The following TUBA3D variants were observed in gnomAD, a reference collection of about 807,000 sequenced individuals.
TUBA3D encodes tubulin alpha 3d.
In TUBA3D, 24 loss-of-function variants were observed where a neutral mutation model predicts 36.1. The ratio of observed to expected loss-of-function variants is 0.66; its 90% CI spans 0.48 to 0.93. TUBA3D has a LOEUF of 0.93. Ranked by LOEUF, TUBA3D falls within the 40% of genes least tolerant of loss-of-function variation. The pLI is 0.00. For synonymous variants in TUBA3D, 185 were observed against 247.2 expected (o/e 0.75, Z 2.36); for missense variants, 356 against 614.5 (o/e 0.58, Z 4.45).
rs2622027 is a variant in TUBA3D at position 131,476,208 on chromosome 2, G to A, written c.3+6G>A. 3.9e-5 allele frequency: 63 copies of A among 1,613,920 alleles called. No homozygotes were observed. The highest frequency in any genetic ancestry group is 2.5e-4 in the South Asian group (23 of 91,074). On this transcript the variant is annotated splice_donor_region_variant and intron_variant, in intron 1 of 4. Coordinates refer to ENST00000321253, the MANE Select transcript of TUBA3D (RefSeq NM_080386.4). Reference sequence around the variant, plus strand: ...AAGCAGCGGAGTTCGCCATGGTAAGGCCCGGGTCACTCCCGCCCCGCAGAT... The same window carrying A: ...AAGCAGCGGAGTTCGCCATGGTAAGACCCGGGTCACTCCCGCCCCGCAGAT...
intron 1 of TUBA3D, among the ~76,000 whole-genome samples, chr2:131,476,666 G>C (rs1356822588): frequency 6.6e-6 from 1 of 152,168 alleles, no homozygotes; most frequent in Non-Finnish European, 1.5e-5. Context: ...AGGCGCGGCG[G>C]CTCACGCCTG....
At position 131,480,475 on chromosome 2, in the gene TUBA3D, C is replaced by T. The variant is rs990896644; in HGVS notation, c.782C>T (p.Pro261Leu). 3.8e-6 allele frequency: 6 copies of T among 1,588,282 alleles called. 1 individual carries two copies. Among genetic ancestry groups the T allele is most frequent in the Admixed American group, 3.4e-5 (2 of 59,444 alleles). Residue 261 changes from proline to leucine, a missense_variant, in exon 4 of 5, where the codon CCG becomes CTG. Physicochemically the swap from Pro to Leu is moderately conservative, Grantham distance 98. Transcript: ENST00000321253. ...DLTEFQTNLV[P>L]YPRIHFPLAT... ...ACGGAATTCCAGACCAACCTAGTGC[C>T]GTACCCCCGCATCCACTTCCCCCTG... is the stretch of plus-strand genomic sequence containing the variant.
In TUBA3D at chr2:131,480,305, C is replaced by T. The variant is rs560756950; in HGVS notation, c.612C>T (p.Val204=). 17 of 1,613,342 alleles carry T rather than the reference C, an allele frequency of 1.1e-5. No individual in the cohort carries two copies. The highest frequency in any genetic ancestry group is 7.7e-5 in the South Asian group (7 of 91,062). ...TLEHSDCAFM[V]DNEAIYDICR... ...AACATTCTGACTGTGCCTTCATGGT[C>T]GACAATGAAGCCATCTATGACATAT... The change falls in exon 4 of 5, where the codon GTC becomes GTT. Residue 204 remains valine (V), a synonymous_variant. Coordinates refer to ENST00000321253, the MANE Select transcript of TUBA3D (RefSeq NM_080386.4).
At chr2:131,477,196 C>T (rs1160927318) in intron 1 of TUBA3D, among the ~76,000 whole-genome samples, 1 of 151,636 alleles carries the variant, frequency 6.6e-6, no homozygotes, top group African/African-American at 2.4e-5. Flanking sequence ...TGCCACCACA[C>T]CTGGCTAATT....
rs151147307 is a variant in TUBA3D at position 131,481,883 on chromosome 2, G to T, written c.1057-669G>T. ...ACCTGGCCTGATGTTGTCATTTATA[G>T]AACAAGTTTGCTGATCCCTGCTCTA... On this transcript the variant is annotated intron_variant, in intron 4 of 4. Transcript: ENST00000321253. 3.2e-3 allele frequency among the ~76,000 whole-genome samples: 495 copies of T among 152,328 alleles called. 2 individuals are homozygous for T. Among genetic ancestry groups the T allele is most frequent in the African/African-American group, 0.012 (481 of 41,578 alleles).
chr2:131,476,326 G>T, intron 1 of TUBA3D, 124 bp downstream of exon 1: 6 of 1,531,684 alleles, frequency 3.9e-6, no homozygotes, highest in Non-Finnish European at 5.3e-6. Flanking sequence ...GCAGGGTCTA[G>T]TGCGGGACAG....
chr2:131,480,967 G>A (rs907667726), intron 4 of TUBA3D, among the ~76,000 whole-genome samples: 3 of 151,648 alleles, frequency 2.0e-5, no homozygotes, highest in African/African-American at 7.3e-5. Flanking sequence ...GCAGTGGTGC[G>A]ATCTCAGCTA....
chr2:131,476,623 T>G (rs541733283), intron 1 of TUBA3D, among the ~76,000 whole-genome samples: 1 of 152,212 alleles, frequency 6.6e-6, no homozygotes, highest in Non-Finnish European at 1.5e-5. Context: ...TGCTGCAACA[T>G]TGCCTTGTTC....
intron 2 of TUBA3D, 65 bp from the exon 3 acceptor site, chr2:131,479,243 G>A (rs1400246944): frequency 2.5e-6 from 4 of 1,578,482 alleles, no homozygotes; most frequent in Admixed American, 1.7e-5. Context: ...GAACACTCCT[G>A]GAATGTGTCC....
At chr2:131,478,498 A>G in intron 2 of TUBA3D, 112 bp downstream of exon 2, 3 of 1,360,870 alleles carry the variant, frequency 2.2e-6, no homozygotes, top group Non-Finnish European at 3.0e-6. Context: ...ATAGACAGGC[A>G]TATGCCCATG....
intron 1 of TUBA3D, among the ~76,000 whole-genome samples, chr2:131,476,688 C>T (rs1372255894): frequency 6.6e-6 from 1 of 152,098 alleles, no homozygotes; most frequent in Non-Finnish European, 1.5e-5. Flanking sequence ...AATCCCAGCC[C>T]TTGGGGAGGT....
chr2:131,482,908 G>A lies in TUBA3D; in HGVS notation c.*60G>A, dbSNP rs1678911370. ...CGGGATGGCTGCTTCCAAGTTGTTT[G>A]CAATTAAAGGTTCTGTATAAAACCA... is the stretch of plus-strand genomic sequence containing the variant. On this transcript the variant is annotated 3_prime_UTR_variant, in exon 5 of 5. Transcript: ENST00000321253. The A allele has an allele frequency of 3.2e-6, 5 of 1,572,490 alleles. No homozygotes were observed. In the South Asian group the frequency reaches 6.0e-5, roughly 19 times the overall value.
intron 1 of TUBA3D, 152 bp from the exon 2 acceptor site, chr2:131,478,012 G>A: frequency 1.0e-6 from 1 of 988,978 alleles, no homozygotes; most frequent in Non-Finnish European, 1.5e-6. Flanking sequence ...CAGCGATAAA[G>A]GGATCAGTCA....
intron 4 of TUBA3D, among the ~76,000 whole-genome samples, chr2:131,482,154 G>T (rs1678886144): frequency 6.6e-6 from 1 of 152,228 alleles, no homozygotes. Flanking sequence ...GATGTTCCTT[G>T]TGATAGCATG....
chr2:131,479,317 G>A lies in TUBA3D; in HGVS notation c.236G>A (p.Arg79His), dbSNP rs758590519. ...DLEPTVVDEV[R>H]TGTYRQLFHP... The stretch of plus-strand genomic sequence containing the variant: ...ACTGTCTCTTTTGCAGATGAAGTGC[G>A]CACAGGGACCTACAGGCAGCTCTTC... The change falls in exon 3 of 5, where the codon CGC (arginine) becomes CAC (histidine). Residue 79 changes from arginine (R) to histidine (H), a missense_variant. By Grantham distance (29) the Arg-to-His change is conservative. Coordinates refer to ENST00000321253, the MANE Select transcript of TUBA3D (RefSeq NM_080386.4). 11 of 1,613,800 alleles carry A rather than the reference G, an allele frequency of 6.8e-6. No individual in the cohort carries two copies. The African/African-American group carries it at 8.0e-5, about 12-fold the overall frequency.
Position 131,480,584 on chromosome 2 carries a change from G to A in TUBA3D, c.891G>A (p.Glu297=). 1 of 1,611,666 alleles carries A rather than the reference G, an allele frequency of 6.2e-7. No homozygotes were observed. The highest frequency in any genetic ancestry group is 8.5e-7 in the Non-Finnish European group (1 of 1,179,902). ...SVAEITNACF[E]PANQMVKCDP... is the part of the protein sequence containing the mutation. The stretch of plus-strand genomic sequence containing the variant: ...CCGAGATCACCAATGCCTGCTTCGA[G>A]CCAGCCAATCAAATGGTCAAGTGTG... The change falls in exon 4 of 5, where the codon GAG becomes GAA. Residue 297 remains glutamate, a synonymous_variant. Transcript: ENST00000321253.
At chr2:131,479,830 A>G (rs1334060837) in intron 3 of TUBA3D, among the ~76,000 whole-genome samples, 1 of 151,896 alleles carries the variant, frequency 6.6e-6, no homozygotes, top group Admixed American at 6.6e-5. Flanking sequence ...ACAGAGCAAG[A>G]TTCCGTCTCA....
At chr2:131,480,881 AC>A in intron 4 of TUBA3D, 132 bp downstream of exon 4, 1 of 1,294,672 alleles carries the variant, frequency 7.7e-7, no homozygotes, top group Non-Finnish European at 1.1e-6. Context: ...AAATTAGTGA[AC>A]CAGAGTTGAT....
chr2:131,479,595 T>C, intron 3 of TUBA3D, 139 bp downstream of exon 3: 2 of 1,488,526 alleles, frequency 1.3e-6, no homozygotes, highest in Non-Finnish European at 1.8e-6. Flanking sequence ...ATCCCAGCAC[T>C]TTGGGAGGCT....
Sources: allele counts gnomAD v4.1 joint callset (sites outside exome capture counted in the v4.1 genomes callset), GRCh38; gene constraint gnomAD v4.1.1; transcripts MANE v1.5; gene names NCBI Gene and HGNC (gene_info 2026-07-23, HGNC 2026-07-21).